The following ADAMTS19 variants were observed in gnomAD, a reference collection of about 807,000 sequenced individuals.
ADAMTS19 encodes ADAM metallopeptidase with thrombospondin type 1 motif 19.
A neutral mutation model predicts 153.3 loss-of-function variants in ADAMTS19; 93 were observed. The ratio of observed to expected loss-of-function variants is 0.61; its 90% confidence interval spans 0.51 to 0.72. The LOEUF (loss-of-function observed/expected upper bound fraction) is 0.72. Ranked by LOEUF, ADAMTS19 falls within the 30% of genes least tolerant of loss-of-function variation. The pLI is 0.00. For synonymous variants in ADAMTS19, 600 were observed against 556.6 expected (o/e 1.08, Z -1.10); for missense variants, 1,482 against 1,552.1 (o/e 0.95, Z 0.76).
intron 6 of ADAMTS19, among the ~76,000 whole-genome samples, chr5:129,538,350 T>C (rs538448972): frequency 1.3e-5 from 2 of 152,254 alleles, no homozygotes; most frequent in African/African-American, 4.8e-5. Context: ...GATCATAGTC[T>C]ACATACAAGT....
chr5:129,651,980 C>T (rs898417510), intron 13 of ADAMTS19, among the ~76,000 whole-genome samples: 1 of 151,996 alleles, frequency 6.6e-6, no homozygotes, highest in South Asian at 2.1e-4. Flanking sequence ...ATTTGAAACC[C>T]ATTTACTTAC....
At chr5:129,529,874 G>C (rs540174889) in intron 6 of ADAMTS19, among the ~76,000 whole-genome samples, 1 of 152,230 alleles carries the variant, frequency 6.6e-6, no homozygotes, top group South Asian at 2.1e-4. Context: ...AAAAAGATAA[G>C]AGGAATAAGC....
chr5:129,603,302 G>T (rs1254749178), intron 8 of ADAMTS19, among the ~76,000 whole-genome samples: 1 of 152,086 alleles, frequency 6.6e-6, no homozygotes, highest in African/African-American at 2.4e-5. Context: ...CCTGAAAGGT[G>T]GTCTATACTT....
At chr5:129,573,752 T>C (rs1053697154) in intron 7 of ADAMTS19, among the ~76,000 whole-genome samples, 2 of 152,128 alleles carry the variant, frequency 1.3e-5, no homozygotes, top group African/African-American at 4.8e-5. Context: ...TCAAAGTTGA[T>C]TGTTCTTAAG....
chr5:129,579,261 T>C (rs988256513), intron 7 of ADAMTS19, among the ~76,000 whole-genome samples: 2 of 152,226 alleles, frequency 1.3e-5, no homozygotes, highest in African/African-American at 4.8e-5. Flanking sequence ...TGTCTGTTCA[T>C]ATCCTTAGCC....
At chr5:129,516,491 T>A (rs1312295024) in intron 3 of ADAMTS19, among the ~76,000 whole-genome samples, 2 of 151,812 alleles carry the variant, frequency 1.3e-5, no homozygotes, top group Non-Finnish European at 1.5e-5. Context: ...TGCTATCTGT[T>A]CAGATTTTTG....
At chr5:129,479,004 G>C (rs1750322210) in intron 2 of ADAMTS19, among the ~76,000 whole-genome samples, 1 of 152,130 alleles carries the variant, frequency 6.6e-6, no homozygotes, top group African/African-American at 2.4e-5. Flanking sequence ...CATAAGGTAT[G>C]GCAAATTTTT....
intron 19 of ADAMTS19, among the ~76,000 whole-genome samples, chr5:129,700,759 A>G (rs539849897): frequency 4.6e-5 from 7 of 151,976 alleles, no homozygotes; most frequent in African/African-American, 1.7e-4. Context: ...TATGGTAAGC[A>G]GTGAAAGGCA....
intron 14 of ADAMTS19, 114 bp from the exon 15 acceptor site, chr5:129,658,503 T>C: frequency 1.9e-6 from 2 of 1,044,054 alleles, no homozygotes; most frequent in Non-Finnish European, 2.7e-6. Flanking sequence ...TGACATTTCA[T>C]AAGTTTTACA....
intron 2 of ADAMTS19, among the ~76,000 whole-genome samples, chr5:129,488,762 G>C (rs1057370888): frequency 3.3e-5 from 5 of 152,044 alleles, no homozygotes; most frequent in African/African-American, 1.2e-4. Context: ...TGGTGGAAGT[G>C]AAAGGAAAAT....
chr5:129,674,897 C>A lies in ADAMTS19; in HGVS notation c.2507-4867C>A, dbSNP rs1052524040. Among the ~76,000 whole-genome samples the A allele has an allele frequency of 2.6e-5, 4 of 152,240 alleles. 1 individual carries two copies. On this transcript the variant is annotated intron_variant, in intron 16 of 22. Transcript: ENST00000274487. ...CTTTCCATCTTGAACCATTTTATTT[C>A]AGCCTGAAGAGCATTCTTTAATTTT...
chr5:129,638,561 TCACACACACACACATACACACACA>T lies in ADAMTS19; in HGVS notation c.1771-3283_1771-3260del, dbSNP rs1370824934. ...GTTTCCTATTTTAGTACTCTCTGTC[TCACACACACACACATACACACACA>T]CACACACACACACACACAAGCTATT... On this transcript the variant is annotated intron_variant, in intron 10 of 22. Transcript: ENST00000274487. Among the ~76,000 whole-genome samples the T allele has an allele frequency of 9.1e-4, 108 of 119,002 alleles. 1 individual carries two copies. The highest frequency in any genetic ancestry group is 3.7e-3 in the African/African-American group (106 of 28,736). The allele number at this position is 119,002 out of a possible 152,430, so 78.1% of individuals were successfully genotyped here.
intron 2 of ADAMTS19, among the ~76,000 whole-genome samples, chr5:129,507,216 T>A (rs538452741): frequency 6.6e-6 from 1 of 152,078 alleles, no homozygotes; most frequent in East Asian, 1.9e-4. Context: ...AGCCTCACTG[T>A]CAATTTTATT....
chr5:129,534,505 C>A (rs1752340690), intron 6 of ADAMTS19, among the ~76,000 whole-genome samples: 1 of 152,116 alleles, frequency 6.6e-6, no homozygotes, highest in Non-Finnish European at 1.5e-5. Flanking sequence ...CAAGGAGGAG[C>A]TGGTACCATT....
At chr5:129,560,186 G>A (rs1338289828) in intron 7 of ADAMTS19, among the ~76,000 whole-genome samples, 1 of 152,104 alleles carries the variant, frequency 6.6e-6, no homozygotes, top group African/African-American at 2.4e-5. Context: ...ATCCATTGTT[G>A]CTCTTGAGGA....
At chr5:129,640,182 T>C (rs1752730327) in intron 10 of ADAMTS19, among the ~76,000 whole-genome samples, 1 of 152,140 alleles carries the variant, frequency 6.6e-6, no homozygotes, top group African/African-American at 2.4e-5. Flanking sequence ...TATCTCACTC[T>C]CTCCATAGAC....
At chr5:129,532,963 C>T (rs552891762) in intron 6 of ADAMTS19, among the ~76,000 whole-genome samples, 5 of 152,058 alleles carry the variant, frequency 3.3e-5, no homozygotes, top group African/African-American at 1.2e-4. Context: ...GTTAGGCAGG[C>T]GTGGTGGCTT....
chr5:129,601,344 T>G (rs907229208), intron 8 of ADAMTS19, among the ~76,000 whole-genome samples: 16 of 151,564 alleles, frequency 1.1e-4, no homozygotes, highest in African/African-American at 3.6e-4. Context: ...GAATTTGATG[T>G]TTTATTGAAT....
At chr5:129,705,441 A>C (rs188103407) in intron 21 of ADAMTS19, among the ~76,000 whole-genome samples, 24 of 152,318 alleles carry the variant, frequency 1.6e-4, no homozygotes, top group Admixed American at 7.8e-4. Flanking sequence ...TCTCATGATT[A>C]TGTATGCCTT....
Sources: allele counts gnomAD v4.1 joint callset (sites outside exome capture counted in the v4.1 genomes callset), GRCh38; gene constraint gnomAD v4.1.1; transcripts MANE v1.5; gene names NCBI Gene and HGNC (gene_info 2026-07-23, HGNC 2026-07-21).